The following SLC45A2 variants were observed in gnomAD, a reference collection of about 807,000 sequenced individuals.
SLC45A2 encodes membrane-associated transporter protein.
Under a neutral mutation model 45.5 loss-of-function variants are expected in SLC45A2, and 36 were observed. That is an observed-to-expected ratio of 0.79 (90% CI 0.61 to 1.04). SLC45A2 has a LOEUF of 1.04. Ranked by LOEUF, SLC45A2 falls within the 50% of genes least tolerant of loss-of-function variation. The pLI is 0.00. For synonymous variants in SLC45A2, 306 were observed against 269.3 expected (o/e 1.14, Z -1.33); for missense variants, 719 against 671.0 (o/e 1.07, Z -0.79).
At chr5:33,971,030 G>C (rs756265909) in intron 2 of SLC45A2, 3 of 498,954 alleles carry the variant, frequency 6.0e-6, no homozygotes, top group African/African-American at 2.0e-5. Context: ...TGGGCAGATT[G>C]TGAGTAACAT....
chr5:33,954,544 A>T (rs368370814), intron 3 of SLC45A2, 40 bp from the exon 4 acceptor site: 9 of 1,611,904 alleles, frequency 5.6e-6, no homozygotes, highest in Non-Finnish European at 7.6e-6. Flanking sequence ...TCTTCACTGC[A>T]GAAACTCAGC....
At chr5:33,951,301 T>G (rs1752087684) in intron 5 of SLC45A2, 8 of 1,002,802 alleles carry the variant, frequency 8.0e-6, no homozygotes, top group African/African-American at 1.6e-5. Context: ...CCTTTCATTT[T>G]CCAGAGAAAC....
At chr5:33,951,420 T>C in intron 5 of SLC45A2, 134 bp downstream of exon 5, 1 of 1,588,760 alleles carries the variant, frequency 6.3e-7, no homozygotes, top group Non-Finnish European at 8.5e-7. Context: ...AAGGTGATAG[T>C]TTTTCCTGAC....
intron 1 of SLC45A2, 22 bp downstream of exon 1, chr5:33,984,177 C>T (rs1204946861): frequency 6.2e-7 from 1 of 1,613,382 alleles, no homozygotes; most frequent in African/African-American, 1.3e-5. Flanking sequence ...CCCTGTCTGC[C>T]CACCTTGTGC....
chr5:33,946,110 G>C, intron 6 of SLC45A2: 1 of 985,336 alleles, frequency 1.0e-6, no homozygotes, highest in Non-Finnish European at 1.2e-6. Flanking sequence ...GGCAGGATTT[G>C]AATCCAGGTT....
intron 2 of SLC45A2, among the ~76,000 whole-genome samples, 180 bp from the exon 3 acceptor site, chr5:33,964,196 G>A (rs1752536125): frequency 1.3e-5 from 2 of 152,212 alleles, no homozygotes; most frequent in South Asian, 4.1e-4. Flanking sequence ...GTGGGTTCAA[G>A]TTTTGGCTCT....
chr5:33,966,290 A>G (rs1221011396), intron 2 of SLC45A2, among the ~76,000 whole-genome samples: 1 of 152,232 alleles, frequency 6.6e-6, no homozygotes, highest in Non-Finnish European at 1.5e-5. Context: ...TTCAATAAAC[A>G]TGTATCGAAC....
intron 2 of SLC45A2, chr5:33,971,352 G>A: frequency 2.0e-6 from 1 of 509,408 alleles, no homozygotes; most frequent in Non-Finnish European, 3.9e-6. Flanking sequence ...ACCTCCAAAA[G>A]GCTGTTTGTT....
At chr5:33,951,351 G>A in intron 5 of SLC45A2, 1 of 1,383,928 alleles carries the variant, frequency 7.2e-7, no homozygotes, top group East Asian at 2.5e-5. Context: ...AAAGTAATCA[G>A]TGAGGAAATG....
intron 5 of SLC45A2, among the ~76,000 whole-genome samples, chr5:33,947,934 C>T (rs2111904030): frequency 6.6e-6 from 1 of 152,352 alleles, no homozygotes. Context: ...AAGACACCTT[C>T]CCTGACTTGC....
chr5:33,947,643 G>A (rs1751977820), intron 5 of SLC45A2, among the ~76,000 whole-genome samples: 1 of 152,122 alleles, frequency 6.6e-6, no homozygotes, highest in Non-Finnish European at 1.5e-5. Flanking sequence ...CAGACAGCTG[G>A]ATAGCAAAAA....
chr5:33,971,294 G>A (rs1752770634), intron 2 of SLC45A2: 2 of 523,300 alleles, frequency 3.8e-6, no homozygotes, highest in Non-Finnish European at 7.8e-6. Flanking sequence ...TGTGGGAATT[G>A]AGGGGTTACC....
intron 2 of SLC45A2, chr5:33,972,751 T>C (rs1298847393): frequency 1.3e-5 from 2 of 152,278 alleles, no homozygotes; most frequent in African/African-American, 4.8e-5. Context: ...AGTAACATCA[T>C]ACAAATTAGT....
chr5:33,966,143 A>G (rs190427961), intron 2 of SLC45A2, among the ~76,000 whole-genome samples: 1 of 152,316 alleles, frequency 6.6e-6, no homozygotes, highest in African/African-American at 2.4e-5. Flanking sequence ...GTGCAATGGA[A>G]TGGTAGTTTT....
At chr5:33,957,234 T>C (rs1289737606) in intron 3 of SLC45A2, among the ~76,000 whole-genome samples, 1 of 152,166 alleles carries the variant, frequency 6.6e-6, no homozygotes, top group Non-Finnish European at 1.5e-5. Flanking sequence ...TCAGACACAA[T>C]TTGGTAATTG....
chr5:33,978,810 G>A (rs1378248523), intron 2 of SLC45A2, among the ~76,000 whole-genome samples: 5 of 152,258 alleles, frequency 3.3e-5, no homozygotes, highest in Non-Finnish European at 7.3e-5. Flanking sequence ...GACCTCTTGA[G>A]GTTGTGTTCC....
rs766000356 is a variant in SLC45A2 at position 33,947,215 on chromosome 5, T to C, written c.1316A>G (p.Tyr439Cys). Reference protein sequence around the residue: ...SLFGVMSSTLYTVPFNLITEY... With the variant: ...SLFGVMSSTLCTVPFNLITEY... ...AGTAATGAGGTTAAAGGGCACAGTG[T>C]ACAGGGTGCTGGACATTACACCAAA... is the stretch of plus-strand genomic sequence containing the variant. The change falls in exon 6 of 7, where the codon TAC (tyrosine) becomes TGC (cysteine). Residue 439 changes from tyrosine (Y) to cysteine (C), a missense_variant. By Grantham distance (194) the Tyr-to-Cys change is radical (BLOSUM62 -2). Transcript: ENST00000296589. The C allele has an allele frequency of 4.3e-6, 7 of 1,614,218 alleles. No individual in the cohort carries two copies. Among genetic ancestry groups the C allele is most frequent in the Non-Finnish European group, 5.9e-6 (7 of 1,180,046 alleles).
In SLC45A2 at chr5:33,947,265, G is replaced by A. The variant is rs750747932; in HGVS notation, c.1266C>T (p.Tyr422=). 8.7e-6 allele frequency: 14 copies of A among 1,614,206 alleles called. No homozygotes were observed. Among genetic ancestry groups the A allele is most frequent in the East Asian group, 4.5e-5 (2 of 44,874 alleles). Residue 422 remains tyrosine, a synonymous_variant, in exon 6 of 7, where the codon TAC becomes TAT. Transcript: ENST00000296589. The stretch of plus-strand genomic sequence containing the variant: ...ACAGGCTGCACAGGACCAGGGTGGA[G>A]TAGACATTCGGGAAGAGCCCAATAA... ...TGFIGLFPNV[Y]STLVLCSLFG...
chr5:33,971,159 T>C (rs1752765528), intron 2 of SLC45A2: 1 of 531,568 alleles, frequency 1.9e-6, no homozygotes, highest in Non-Finnish European at 3.9e-6. Context: ...AGAGTTGCTT[T>C]GGATAGGGCT....
Sources: allele counts gnomAD v4.1 joint callset (sites outside exome capture counted in the v4.1 genomes callset), GRCh38; gene constraint gnomAD v4.1.1; transcripts MANE v1.5; gene names NCBI Gene and HGNC (gene_info 2026-07-23, HGNC 2026-07-21).